Variants in SCARA5 observed in about 807,000 individuals in gnomAD.
The protein encoded by SCARA5 is scavenger receptor class A, member 5 (putative).
Under a neutral mutation model 46.3 loss-of-function variants are expected in SCARA5, and 45 were observed. The observed-to-expected ratio is 0.97, with a 90% confidence interval of 0.76 to 1.24. The LOEUF (loss-of-function observed/expected upper bound fraction) is 1.24. Ranked by LOEUF, SCARA5 falls within the 50% of genes most tolerant of loss-of-function variation. SCARA5 has a pLI of 0.00. For synonymous variants in SCARA5, 333 were observed against 306.5 expected (o/e 1.09, Z -0.90); for missense variants, 680 against 689.0 (o/e 0.99, Z 0.15).
intron 1 of SCARA5, 92 bp from the exon 2 acceptor site, chr8:27,987,722 A>G (rs1176836661): frequency 5.3e-6 from 4 of 751,818 alleles, no homozygotes; most frequent in East Asian, 5.3e-5. Context: ...GCAAATGGAT[A>G]GAACAAGGTG....
chr8:27,924,356 G>A (rs1274144628), intron 3 of SCARA5, among the ~76,000 whole-genome samples: 1 of 152,230 alleles, frequency 6.6e-6, no homozygotes, highest in Non-Finnish European at 1.5e-5. Flanking sequence ...GAGGGATATA[G>A]GTTGTGAGGG....
chr8:27,923,925 G>T (rs868174964), intron 3 of SCARA5, among the ~76,000 whole-genome samples: 53 of 152,100 alleles, frequency 3.5e-4, no homozygotes, highest in African/African-American at 1.2e-3. Context: ...ACCCATCCCA[G>T]TGATCCCCCA....
chr8:27,895,598 G>T (rs1563515676), intron 7 of SCARA5, among the ~76,000 whole-genome samples: 1 of 152,178 alleles, frequency 6.6e-6, no homozygotes, highest in Non-Finnish European at 1.5e-5. Context: ...CATTTTACAG[G>T]TGAGAAAGCT....
intron 8 of SCARA5, among the ~76,000 whole-genome samples, chr8:27,876,853 G>A (rs534911229): frequency 2.6e-5 from 4 of 152,264 alleles, no homozygotes; most frequent in South Asian, 2.1e-4. Flanking sequence ...GAGCGAGAGG[G>A]ACCTGGGAGG....
chr8:27,925,853 C>T (rs1807672117), intron 3 of SCARA5, among the ~76,000 whole-genome samples: 1 of 152,190 alleles, frequency 6.6e-6, no homozygotes, highest in Non-Finnish European at 1.5e-5. Flanking sequence ...AAAAAATGCT[C>T]ATCATCACTG....
At chr8:27,915,302 C>A (rs1390968774) in intron 4 of SCARA5, among the ~76,000 whole-genome samples, 1 of 152,198 alleles carries the variant, frequency 6.6e-6, no homozygotes, top group Non-Finnish European at 1.5e-5. Flanking sequence ...CTGGGACTGC[C>A]CTTGCTACCG....
rs1232897127 is a variant in SCARA5, at chr8:27,921,686, T to C, written c.801A>G (p.Val267=). 1 of 1,608,110 alleles carries C rather than the reference T, an allele frequency of 6.2e-7. No individual in the cohort carries two copies. Among genetic ancestry groups the C allele is most frequent in the Non-Finnish European group, 8.5e-7 (1 of 1,177,654 alleles). ...CCTGCTTCAGCTGCAGCTCCATGCC[T>C]ACGTGCGCCAGGCGCAGGCGGCGCG... The part of the protein sequence containing the change: ...EDTRRLRLAH[V]GMELQLKQEL... Residue 267 remains valine (V), a synonymous_variant, in exon 4 of 9, where the codon GTA becomes GTG. Coordinates refer to ENST00000354914, the MANE Select transcript of SCARA5 (RefSeq NM_173833.6).
chr8:27,930,625 C>A (rs1271858240), intron 3 of SCARA5, among the ~76,000 whole-genome samples: 3 of 152,184 alleles, frequency 2.0e-5, no homozygotes, highest in African/African-American at 4.8e-5. Flanking sequence ...TGGTCTCGAA[C>A]TCCGGACCTC....
At chr8:27,914,273 A>C (rs1807425436) in intron 4 of SCARA5, among the ~76,000 whole-genome samples, 1 of 152,178 alleles carries the variant, frequency 6.6e-6, no homozygotes, top group African/African-American at 2.4e-5. Flanking sequence ...TTTCTTTATA[A>C]ATTACCCAAT....
At chr8:27,964,775 C>T (rs1003737935) in intron 3 of SCARA5, among the ~76,000 whole-genome samples, 1 of 152,080 alleles carries the variant, frequency 6.6e-6, no homozygotes, top group Non-Finnish European at 1.5e-5. Flanking sequence ...CCTCCAGAGG[C>T]CTGCCCCAAA....
chr8:27,937,482 C>T (rs1379222050), intron 3 of SCARA5, among the ~76,000 whole-genome samples: 2 of 152,202 alleles, frequency 1.3e-5, no homozygotes, highest in Non-Finnish European at 2.9e-5. Flanking sequence ...AACTCCAGGA[C>T]ACATGCTGGC....
chr8:27,924,116 G>C (rs529424640), intron 3 of SCARA5, among the ~76,000 whole-genome samples: 22 of 152,282 alleles, frequency 1.4e-4, no homozygotes, highest in African/African-American at 5.3e-4. Context: ...GATGCTCATT[G>C]TCTGTTAGTT....
intron 4 of SCARA5, among the ~76,000 whole-genome samples, chr8:27,914,696 G>A (rs1019162615): frequency 6.6e-6 from 1 of 152,222 alleles, no homozygotes; most frequent in Non-Finnish European, 1.5e-5. Flanking sequence ...CTGTCACCAA[G>A]GCAGGCCAGG....
intron 3 of SCARA5, among the ~76,000 whole-genome samples, chr8:27,927,117 C>T (rs1170444638): frequency 2.0e-5 from 3 of 152,210 alleles, no homozygotes; most frequent in Non-Finnish European, 4.4e-5. Context: ...CAATTTTCTT[C>T]CTTACCTCTG....
rs73567030 is a variant in SCARA5 at position 27,891,935 on chromosome 8, C to T, written c.1154-12169G>A. ...AGGGTCCAGCTTTGTCTGTCTTAGA[C>T]GTCAGATGTGGTTAGAGCGTGGCTC... On this transcript the variant is annotated intron_variant, in intron 7 of 8. Coordinates refer to ENST00000354914, the MANE Select transcript of SCARA5 (RefSeq NM_173833.6). 3.5e-3 allele frequency among the ~76,000 whole-genome samples: 526 copies of T among 152,352 alleles called. 1 individual carries two copies. The highest frequency in any genetic ancestry group is 0.01 in the African/African-American group (424 of 41,578).
chr8:27,942,571 G>C lies in SCARA5; in HGVS notation c.242-20326C>G, dbSNP rs536174910. 2.0e-5 allele frequency among the ~76,000 whole-genome samples: 3 copies of C among 152,200 alleles called. No homozygotes were observed. In the South Asian group the frequency reaches 6.2e-4, roughly 32 times the overall value. On this transcript the variant is annotated intron_variant, in intron 3 of 8. Transcript: ENST00000354914. ...ATCCAGAGCTGCCTTCCGATGCCCC[G>C]GCCTCTGGGAGAGTTTATCAACTTT...
intron 4 of SCARA5, among the ~76,000 whole-genome samples, chr8:27,918,332 T>C (rs544100548): frequency 6.6e-6 from 1 of 152,202 alleles, no homozygotes; most frequent in South Asian, 2.1e-4. Flanking sequence ...TCAGGTCCCA[T>C]TTTAAAACAA....
At chr8:27,894,973 C>G (rs1251619522) in intron 7 of SCARA5, among the ~76,000 whole-genome samples, 2 of 152,140 alleles carry the variant, frequency 1.3e-5, no homozygotes, top group Non-Finnish European at 2.9e-5. Context: ...TACCCCAAAA[C>G]CTGCTTGGCT....
intron 2 of SCARA5, among the ~76,000 whole-genome samples, chr8:27,982,606 A>T (rs1808640472): frequency 6.6e-6 from 1 of 152,216 alleles, no homozygotes; most frequent in Non-Finnish European, 1.5e-5. Flanking sequence ...CCTTCCATCA[A>T]CAGTGGGCCC....
Sources: allele counts gnomAD v4.1 joint callset (sites outside exome capture counted in the v4.1 genomes callset), GRCh38; gene constraint gnomAD v4.1.1; transcripts MANE v1.5; gene names NCBI Gene and HGNC (gene_info 2026-07-23, HGNC 2026-07-21).